DPYD: variants seen among roughly 807,000 people sequenced by gnomAD.
DPYD encodes dihydropyrimidine dehydrogenase.
In DPYD, 109 loss-of-function variants were observed where a neutral mutation model predicts 116.2. The observed-to-expected ratio is 0.94, with a 90% CI of 0.80 to 1.10. DPYD has a LOEUF of 1.10. DPYD is among the 50% of genes least tolerant of loss of function. The pLI is 0.00. For missense variants in DPYD, 1,302 were observed against 1,254.5 expected, an observed-to-expected ratio of 1.04 and a Z score of -0.57; for synonymous variants, 440 against 432.0, an observed-to-expected ratio of 1.02 and a Z score of -0.23.
chr1:97,441,845 G>GT (rs1675814328), intron 14 of DPYD, among the ~76,000 whole-genome samples: 1 of 152,100 alleles, frequency 6.6e-6, no homozygotes, highest in Non-Finnish European at 1.5e-5. Context: ...ATGGAAACAC[G>GT]TTGATCCTTT....
rs964165321 is a variant in DPYD, at chr1:97,078,593, T to C, written c.*383A>G. The C allele has an allele frequency of 3.9e-6, 1 of 254,956 alleles. No individual in the cohort carries two copies. Among genetic ancestry groups the C allele is most frequent in the South Asian group, 4.7e-5 (1 of 21,376 alleles). The allele number at this position is 254,956 out of a possible 1,614,324, so 15.8% of individuals were successfully genotyped here. A position where few individuals can be genotyped will look rare whatever the true frequency, so the allele number is the denominator to read the frequency against. On this transcript the variant is annotated 3_prime_UTR_variant, in exon 23 of 23. Coordinates refer to ENST00000370192, the MANE Select transcript of DPYD (RefSeq NM_000110.4). ...TTCTTGTATGTTAAAGAGTACTTTG[T>C]TTCAAAATGCTTAATTTCACTTACA...
At chr1:97,879,982 G>A (rs1672117139) in intron 2 of DPYD, among the ~76,000 whole-genome samples, 1 of 151,438 alleles carries the variant, frequency 6.6e-6, no homozygotes, top group Non-Finnish European at 1.5e-5. Context: ...ACTCTGTTTT[G>A]GGTAAGTGAA....
chr1:97,078,166 G>A lies in DPYD; in HGVS notation c.*810C>T, dbSNP rs962983345. ...TTCAAACATTAGTTGCTATAATCAT[G>A]AAGGTGACTATTAAAACCAGTCAGA... On this transcript the variant is annotated 3_prime_UTR_variant, in exon 23 of 23. Coordinates refer to ENST00000370192, the MANE Select transcript of DPYD (RefSeq NM_000110.4). The A allele has an allele frequency of 2.0e-5, 3 of 152,116 alleles. No individual in the cohort carries two copies. The highest frequency in any genetic ancestry group is 7.2e-5 in the African/African-American group (3 of 41,416). The allele number at this position is 152,116 out of a possible 1,614,324, so 9.4% of individuals were successfully genotyped here.
At chr1:97,521,650 T>C (rs1648675846) in intron 12 of DPYD, among the ~76,000 whole-genome samples, 1 of 152,108 alleles carries the variant, frequency 6.6e-6, no homozygotes, top group African/African-American at 2.4e-5. Context: ...TCTATCTAAC[T>C]TCAAACTATA....
intron 8 of DPYD, among the ~76,000 whole-genome samples, chr1:97,641,466 T>C (rs553453797): frequency 1.3e-5 from 2 of 152,218 alleles, no homozygotes; most frequent in Non-Finnish European, 2.9e-5. Flanking sequence ...TCCTACATAA[T>C]CCATCACATA....
Position 97,549,736 on chromosome 1 carries a change from C to A in DPYD, c.1348G>T (p.Ala450Ser). 6 of 1,613,432 alleles carry A rather than the reference C, an allele frequency of 3.7e-6. No individual in the cohort carries two copies. Among genetic ancestry groups the A allele is most frequent in the Non-Finnish European group, 5.1e-6 (6 of 1,179,660 alleles). ...CTGTTAAATTTTATAGGGCTCAAGG[C>A]TTCTTTTACTGAAAAAACAAGTGAA... ...SVLSDPKVKEALSPIKFNRWG... is the reference protein window; with the variant it reads ...SVLSDPKVKESLSPIKFNRWG... The change falls in exon 12 of 23, where the codon GCC (alanine) becomes TCC (serine). Residue 450 changes from alanine (A) to serine (S), a missense_variant. By Grantham distance (99) the Ala-to-Ser change is moderately conservative. Coordinates refer to ENST00000370192, the MANE Select transcript of DPYD (RefSeq NM_000110.4).
At chr1:97,567,706 TTGAAAATTCAAAAGTGCC>T (rs2102159892) in intron 11 of DPYD, among the ~76,000 whole-genome samples, 1 of 152,280 alleles carries the variant, frequency 6.6e-6, no homozygotes, top group South Asian at 2.1e-4. Context: ...TCAAACTTAG[TTGAAAATTCAAAAGTGCC>T]TTTCTTGTCT....
chr1:97,864,538 T>C (rs1398456825), intron 2 of DPYD, among the ~76,000 whole-genome samples: 1 of 151,172 alleles, frequency 6.6e-6, no homozygotes, highest in East Asian at 2.0e-4. Context: ...TCTCCCCTCC[T>C]CCCCCCACAC....
chr1:97,342,442 C>G (rs774053002), intron 16 of DPYD, among the ~76,000 whole-genome samples: 15 of 152,172 alleles, frequency 9.9e-5, no homozygotes, highest in Middle Eastern at 6.8e-3. Flanking sequence ...CTTTTTCTTT[C>G]TAGAAAATCA....
Position 97,230,248 on chromosome 1 carries a change from G to T in DPYD, c.2442+4604C>A, listed in dbSNP as rs141161516. 9.1e-3 allele frequency among the ~76,000 whole-genome samples: 1,381 copies of T among 152,236 alleles called. 14 individuals are homozygous for T. Among genetic ancestry groups the T allele is most frequent in the Middle Eastern group, 0.037 (11 of 294 alleles). On this transcript the variant is annotated intron_variant, in intron 19 of 22. Transcript: ENST00000370192. ...GGAATCAACCTAAATTCCCATCAATGATAGACTGGATAAAGAAAATGTGGT... is the reference window on the plus strand; with the variant it reads ...GGAATCAACCTAAATTCCCATCAATTATAGACTGGATAAAGAAAATGTGGT...
At chr1:97,096,011 G>C (rs184693918) in intron 21 of DPYD, 1 of 152,154 alleles carries the variant, frequency 6.6e-6, no homozygotes, top group Non-Finnish European at 1.5e-5. Context: ...ACAATGTCTT[G>C]AGGCTTATGT....
intron 13 of DPYD, among the ~76,000 whole-genome samples, chr1:97,479,911 C>T (rs1431311050): frequency 6.6e-6 from 1 of 152,182 alleles, no homozygotes; most frequent in East Asian, 1.9e-4. Flanking sequence ...TTAAAACTTG[C>T]TTTAAATTCC....
chr1:97,751,460 G>GTTTATATATATA (rs763260651), intron 3 of DPYD, among the ~76,000 whole-genome samples: 2 of 21,274 alleles, frequency 9.4e-5, no homozygotes, highest in African/African-American at 3.5e-4. Context: ...GTGTGTGTGT[G>GTTTATATATATA]TATATATATA....
Position 97,272,827 on chromosome 1 carries a change from G to A in DPYD, c.2299+32432C>T, listed in dbSNP as rs72726671. ...TAGAATATTGAACAATCAGAACCCTGAACTTTCTATTATAAGGTGTCTCTG... is the reference window on the plus strand; with the variant it reads ...TAGAATATTGAACAATCAGAACCCTAAACTTTCTATTATAAGGTGTCTCTG... On this transcript the variant is annotated intron_variant, in intron 18 of 22. Coordinates refer to ENST00000370192, the MANE Select transcript of DPYD (RefSeq NM_000110.4). Among the ~76,000 whole-genome samples, 324 of 152,144 alleles carry A rather than the reference G, an allele frequency of 2.1e-3. 3 individuals are homozygous for A. The highest frequency in any genetic ancestry group is 0.02 in the Middle Eastern group (6 of 294).
chr1:97,632,900 T>G (rs1450583667), intron 8 of DPYD, among the ~76,000 whole-genome samples: 1 of 152,096 alleles, frequency 6.6e-6, no homozygotes, highest in Non-Finnish European at 1.5e-5. Context: ...TGGTCAATCT[T>G]AGATTGGTCT....
rs290808 is a variant in DPYD at position 97,087,255 on chromosome 1, C to G, written c.2767-4785G>C. On this transcript the variant is annotated intron_variant, in intron 21 of 22. Transcript: ENST00000370192. ...TTTCATCAGTGTGGTATAGTGATCTCTTACAAAAGCACTTAAAAATATAGC... is the reference window on the plus strand; with the variant it reads ...TTTCATCAGTGTGGTATAGTGATCTGTTACAAAAGCACTTAAAAATATAGC... 7.1e-3 allele frequency among the ~76,000 whole-genome samples: 1,081 copies of G among 152,282 alleles called. 16 individuals carry two copies. The highest frequency in any genetic ancestry group is 0.025 in the African/African-American group (1,031 of 41,550).
intron 12 of DPYD, among the ~76,000 whole-genome samples, chr1:97,516,305 T>G (rs1648233827): frequency 6.6e-6 from 1 of 152,030 alleles, no homozygotes. Flanking sequence ...CTCAGAGATA[T>G]GGGCAACGGC....
intron 7 of DPYD, among the ~76,000 whole-genome samples, chr1:97,680,608 G>T (rs559975392): frequency 8.5e-5 from 13 of 152,078 alleles, no homozygotes; most frequent in Admixed American, 4.6e-4. Context: ...TTACAGTTTT[G>T]CCTTAGGGAT....
chr1:97,372,102 T>A (rs1671340730), intron 16 of DPYD, among the ~76,000 whole-genome samples: 1 of 152,196 alleles, frequency 6.6e-6, no homozygotes, highest in Non-Finnish European at 1.5e-5. Context: ...CAGGTGGGAC[T>A]AGGGCAACAT....
Sources: allele counts gnomAD v4.1 joint callset (sites outside exome capture counted in the v4.1 genomes callset), GRCh38; gene constraint gnomAD v4.1.1; transcripts MANE v1.5; gene names NCBI Gene and HGNC (gene_info 2026-07-23, HGNC 2026-07-21).